SLC35G2: variants seen among roughly 807,000 people sequenced by gnomAD.
SLC35G2 encodes the protein transmembrane protein 22.
In SLC35G2, 20 loss-of-function variants were observed where a neutral mutation model predicts 27.2. That is an observed-to-expected ratio of 0.74 (90% CI 0.52 to 1.07). SLC35G2 has a LOEUF of 1.07. Ranked by LOEUF, SLC35G2 falls within the 50% of genes least tolerant of loss-of-function variation. SLC35G2 has a pLI of 0.00. For missense variants in SLC35G2, 416 were observed against 493.3 expected, an observed-to-expected ratio of 0.84 and a Z score of 1.48; for synonymous variants, 148 against 165.3, an observed-to-expected ratio of 0.90 and a Z score of 0.80.
chr3:136,820,775 A>G (rs1936437600), intron 1 of SLC35G2, among the ~76,000 whole-genome samples: 1 of 152,312 alleles, frequency 6.6e-6, no homozygotes, highest in South Asian at 2.1e-4. Flanking sequence ...TTATTTTCAT[A>G]ATCATCTGTT....
Position 136,819,171 on chromosome 3 carries a change from C to G in SLC35G2, c.-476C>G, listed in dbSNP as rs1247192453. Reference sequence around the variant, plus strand: ...CGATTTTCCCAGGCGAGGGCACGCCCGCGTCAGTCGCCTCCGGGGCACCTT... The same window carrying G: ...CGATTTTCCCAGGCGAGGGCACGCCGGCGTCAGTCGCCTCCGGGGCACCTT... On this transcript the variant is annotated 5_prime_UTR_variant, in exon 1 of 2. Transcript: ENST00000446465. 6.6e-6 allele frequency: 1 copy of G among 152,214 alleles called. No individual in the cohort carries two copies. The highest frequency in any genetic ancestry group is 1.5e-5 in the Non-Finnish European group (1 of 68,036). 9.4% of individuals were successfully genotyped at this position (152,214 alleles called of 1,614,324 possible).
At chr3:136,834,779 G>A (rs1406541) in intron 1 of SLC35G2, among the ~76,000 whole-genome samples, 103,442 of 152,030 alleles carry the variant, frequency 0.68, 35,470 homozygotes, top group East Asian at 0.87. Context: ...AAAATCCAAC[G>A]AATTAAATAC....
intron 1 of SLC35G2, among the ~76,000 whole-genome samples, chr3:136,829,189 G>A (rs1008010238): frequency 6.6e-6 from 1 of 151,124 alleles, no homozygotes; most frequent in African/African-American, 2.4e-5. Flanking sequence ...GTTTTTCTAT[G>A]TGCTTACTAT....
intron 1 of SLC35G2, among the ~76,000 whole-genome samples, chr3:136,830,439 C>T (rs749323260): frequency 1.4e-4 from 22 of 152,206 alleles, no homozygotes; most frequent in Non-Finnish European, 2.4e-4. Flanking sequence ...CCCGCCACCA[C>T]GCCCAGCTAA....
intron 1 of SLC35G2, among the ~76,000 whole-genome samples, chr3:136,823,594 T>C (rs1936511371): frequency 6.6e-6 from 1 of 152,040 alleles, no homozygotes; most frequent in Admixed American, 6.6e-5. Flanking sequence ...CTTTTTCTTT[T>C]TTTTCTTTTT....
At chr3:136,849,501 ATTTTTT>A (rs1937544391) in intron 1 of SLC35G2, among the ~76,000 whole-genome samples, 1 of 149,206 alleles carries the variant, frequency 6.7e-6, no homozygotes, top group Non-Finnish European at 1.5e-5. Context: ...ATTTATTTTT[ATTTTTT>A]ATTTTTGAGA....
In SLC35G2 at chr3:136,854,674, A is replaced by G. The variant is rs1417785593; in HGVS notation, c.214A>G (p.Met72Val). 6 of 1,614,196 alleles carry G rather than the reference A, an allele frequency of 3.7e-6. No homozygotes were observed. The highest frequency in any genetic ancestry group is 5.1e-6 in the Non-Finnish European group (6 of 1,180,026). The stretch of plus-strand genomic sequence containing the variant: ...AAAAGGGAGAGCTTTCTTTGGAACC[A>G]TGGATACCCTACCTCCACCAACAGA... ...KKKGRAFFGTMDTLPPPTEDP... is the reference protein window; with the variant it reads ...KKKGRAFFGTVDTLPPPTEDP... Residue 72 changes from methionine (M) to valine (V), a missense_variant, in exon 2 of 2, where the codon ATG becomes GTG. By Grantham distance (21) the Met-to-Val change is conservative (BLOSUM62 1). Coordinates refer to ENST00000446465, the MANE Select transcript of SLC35G2 (RefSeq NM_025246.3).
chr3:136,830,838 A>G (rs1196093245), intron 1 of SLC35G2, among the ~76,000 whole-genome samples: 4 of 152,142 alleles, frequency 2.6e-5, no homozygotes, highest in Admixed American at 2.6e-4. Flanking sequence ...AGAGACTCTA[A>G]TGCATTCTTC....
chr3:136,839,386 C>T (rs1439718944), intron 1 of SLC35G2, among the ~76,000 whole-genome samples: 1 of 152,238 alleles, frequency 6.6e-6, no homozygotes, highest in Non-Finnish European at 1.5e-5. Context: ...CAGGCACCAT[C>T]ATAGTCACAC....
At chr3:136,827,882 A>G (rs2107998461) in intron 1 of SLC35G2, among the ~76,000 whole-genome samples, 1 of 150,918 alleles carries the variant, frequency 6.6e-6, no homozygotes, top group South Asian at 2.1e-4. Context: ...TCTGAAGTGC[A>G]GTGGCATGAT....
At chr3:136,836,095 C>T (rs1055165514) in intron 1 of SLC35G2, among the ~76,000 whole-genome samples, 1 of 151,924 alleles carries the variant, frequency 6.6e-6, no homozygotes, top group Non-Finnish European at 1.5e-5. Context: ...TGTTTTTAGG[C>T]CATTTTAGCA....
At chr3:136,829,989 T>C (rs774308474) in intron 1 of SLC35G2, among the ~76,000 whole-genome samples, 1 of 152,164 alleles carries the variant, frequency 6.6e-6, no homozygotes, top group Non-Finnish European at 1.5e-5. Context: ...TCTCATATTA[T>C]TTCTTTGAAT....
chr3:136,841,933 A>G (rs1421470679), intron 1 of SLC35G2: 1 of 152,136 alleles, frequency 6.6e-6, no homozygotes, highest in Non-Finnish European at 1.5e-5. Context: ...TGAAAAATCT[A>G]AAATGTGGAA....
rs1434623263 is a variant in SLC35G2, at chr3:136,854,656, A to G, written c.196A>G (p.Arg66Gly). The change falls in exon 2 of 2, where the codon AGA becomes GGA. Residue 66 changes from arginine to glycine, a missense_variant. Coordinates refer to ENST00000446465, the MANE Select transcript of SLC35G2 (RefSeq NM_025246.3). ...GLLSEMKKKG[R>G]AFFGTMDTLP... ...GCTGAGTGAAATGAAAAAAAAAGGG[A>G]GAGCTTTCTTTGGAACCATGGATAC... is the stretch of plus-strand genomic sequence containing the variant. 6.2e-7 allele frequency: 1 copy of G among 1,613,762 alleles called. No homozygotes were observed. The highest frequency in any genetic ancestry group is 2.2e-5 in the East Asian group (1 of 44,882).
intron 1 of SLC35G2, among the ~76,000 whole-genome samples, chr3:136,843,894 A>G (rs1937228983): frequency 6.6e-6 from 1 of 152,206 alleles, no homozygotes; most frequent in African/African-American, 2.4e-5. Context: ...AGATTGCCCC[A>G]CTGCACTCTA....
intron 1 of SLC35G2, among the ~76,000 whole-genome samples, chr3:136,823,637 A>C (rs942837353): frequency 1.3e-5 from 2 of 151,484 alleles, no homozygotes; most frequent in African/African-American, 4.9e-5. Context: ...CTCAGGCTGG[A>C]GTGCAGTGAG....
At chr3:136,845,657 G>A (rs185120645) in intron 1 of SLC35G2, among the ~76,000 whole-genome samples, 18 of 151,120 alleles carry the variant, frequency 1.2e-4, no homozygotes, top group East Asian at 1.2e-3. Context: ...AGTCAGTGGC[G>A]CGATCTCGGC....
intron 1 of SLC35G2, among the ~76,000 whole-genome samples, chr3:136,826,028 T>A (rs966269174): frequency 1.5e-5 from 1 of 66,588 alleles, no homozygotes; most frequent in East Asian, 7.2e-4. Context: ...GCTTTTCTTT[T>A]CTTTATTTTA....
intron 1 of SLC35G2, among the ~76,000 whole-genome samples, chr3:136,836,334 C>A (rs1338900293): frequency 1.3e-5 from 2 of 152,092 alleles, no homozygotes; most frequent in Admixed American, 6.6e-5. Flanking sequence ...TAACTATTTA[C>A]TCATTCTTCT....
Sources: gnomAD v4.1 joint callset for allele counts (sites outside exome capture counted in the v4.1 genomes callset) on GRCh38, gnomAD v4.1.1 for gene constraint, MANE v1.5 for transcripts, NCBI Gene and HGNC (gene_info 2026-07-23, HGNC 2026-07-21) for gene names.